TRIM5: variants seen among roughly 807,000 people sequenced by gnomAD.
The protein encoded by TRIM5 is tripartite motif-containing protein 5.
In TRIM5, 31 loss-of-function variants were observed where a neutral mutation model predicts 35.6. The observed-to-expected ratio is 0.87, with a 90% CI of 0.65 to 1.18. TRIM5 has a LOEUF of 1.18. Ranked by LOEUF, TRIM5 falls within the 50% of genes most tolerant of loss-of-function variation. TRIM5 has a pLI of 0.00. For synonymous variants in TRIM5, 243 were observed against 215.6 expected, an observed-to-expected ratio of 1.13 and a Z score of -1.11; for missense variants, 609 against 591.6, an observed-to-expected ratio of 1.03 and a Z score of -0.31.
chr11:5,647,824 A>G, the TRIM5 span, among the ~76,000 whole-genome samples: 1 of 152,054 alleles, frequency 6.6e-6, no homozygotes, highest in Non-Finnish European at 1.5e-5. Context: ...CCCGGCTGAG[A>G]CACCTATTAA....
At chr11:5,593,725 A>G in the TRIM5 span, among the ~76,000 whole-genome samples, 1 of 152,356 alleles carries the variant, frequency 6.6e-6, no homozygotes, top group South Asian at 2.1e-4. Context: ...TATTGTAATA[A>G]TAACAGGCTG....
the TRIM5 span, chr11:5,642,520 G>A: frequency 6.2e-7 from 1 of 1,612,822 alleles, no homozygotes; most frequent in East Asian, 2.2e-5. Flanking sequence ...AGGAGAAGCA[G>A]ACAAAGACTG....
the TRIM5 span, chr11:5,596,543 T>TCCCCCTTCCCCCTTCCCTTC: frequency 4.1e-5 from 1 of 24,650 alleles, no homozygotes; most frequent in Non-Finnish European, 7.4e-5. Flanking sequence ...CCTTCCCCCT[T>TCCCCCTTCCCCCTTCCCTTC]CCCCCTTCCC....
the TRIM5 span, among the ~76,000 whole-genome samples, chr11:5,637,074 G>C: frequency 6.6e-6 from 1 of 152,344 alleles, no homozygotes; most frequent in Non-Finnish European, 1.5e-5. Flanking sequence ...TCAGGAGGCT[G>C]AGGCAGGAGA....
the TRIM5 span, among the ~76,000 whole-genome samples, chr11:5,622,330 G>A: frequency 1.3e-5 from 2 of 151,816 alleles, no homozygotes; most frequent in South Asian, 2.1e-4. Context: ...CTGTAGTCCC[G>A]GCTACTTGGG....
Position 5,680,022 on chromosome 11 carries a change from C to T in TRIM5, c.156G>A (p.Glu52=), listed in dbSNP as rs1472572148. 5 of 1,614,026 alleles carry T rather than the reference C, an allele frequency of 3.1e-6. No homozygotes were observed. The East Asian group carries it at 8.9e-5, about 29-fold the overall frequency. ...NHKKSMLDKG[E]SSCPVCRISY... is the part of the protein sequence containing the mutation. Reference sequence around the variant, plus strand: ...TGATCCGGCACACAGGGCAGCTACTCTCTCCTTTGTCTAGCATGGACTTCT... The same window carrying T: ...TGATCCGGCACACAGGGCAGCTACTTTCTCCTTTGTCTAGCATGGACTTCT... Residue 52 remains glutamate, a synonymous_variant, in exon 2 of 8, where the codon GAG becomes GAA. Coordinates refer to ENST00000380034, the MANE Select transcript of TRIM5 (RefSeq NM_033034.3).
At chr11:5,642,877 C>T in the TRIM5 span, 1 of 1,613,074 alleles carries the variant, frequency 6.2e-7, no homozygotes, top group East Asian at 2.2e-5. Flanking sequence ...TAACTGTTTT[C>T]CAATTACCTT....
intron 4 of TRIM5, among the ~76,000 whole-genome samples, chr11:5,670,141 C>T (rs1053267065): frequency 2.0e-5 from 3 of 147,432 alleles, no homozygotes; most frequent in Non-Finnish European, 4.5e-5. Context: ...GCTTGCATGG[C>T]ATTTGTCTGT....
the TRIM5 span, among the ~76,000 whole-genome samples, chr11:5,592,999 G>C: frequency 6.6e-6 from 1 of 150,972 alleles, no homozygotes; most frequent in Non-Finnish European, 1.5e-5. Context: ...ATGGAAAAAA[G>C]AGAGGGAGGA....
chr11:5,603,552 G>A, the TRIM5 span: 27 of 1,613,988 alleles, frequency 1.7e-5, no homozygotes, highest in South Asian at 2.9e-4. Flanking sequence ...TAGTGAGGCG[G>A]CTCAGAGAGG....
intron 4 of TRIM5, among the ~76,000 whole-genome samples, chr11:5,677,066 C>T (rs1428839035): frequency 6.6e-6 from 1 of 152,034 alleles, no homozygotes; most frequent in Non-Finnish European, 1.5e-5. Flanking sequence ...GTCTAAAACA[C>T]CAAAAGCAAT....
intron 4 of TRIM5, among the ~76,000 whole-genome samples, chr11:5,669,640 T>C (rs900826299): frequency 6.6e-6 from 1 of 152,212 alleles, no homozygotes; most frequent in African/African-American, 2.4e-5. Context: ...TGAAAAAAAC[T>C]TTGGAAAGGG....
the TRIM5 span, among the ~76,000 whole-genome samples, chr11:5,623,105 C>CT: frequency 0.096 from 10,231 of 106,816 alleles, 650 homozygotes; most frequent in South Asian, 0.23. Context: ...CTGTCTGGAG[C>CT]TTTTTTTTTT....
At position 5,664,527 on chromosome 11, in the gene TRIM5, GA is replaced by G; in HGVS notation, c.*281del. 8.9e-7 allele frequency: 1 copy of G among 1,118,498 alleles called. No homozygotes were observed. Among genetic ancestry groups the G allele is most frequent in the Non-Finnish European group, 1.1e-6 (1 of 914,044 alleles). 69.3% of individuals were successfully genotyped at this position (1,118,498 alleles called of 1,614,324 possible). The stretch of plus-strand genomic sequence containing the variant: ...GCAATTGGGTGATAAATATCTGGCA[GA>G]AGTAATACCTAAATAGCGGTCTCAT... On this transcript the variant is annotated 3_prime_UTR_variant, in exon 8 of 8. Transcript: ENST00000380034.
the TRIM5 span, chr11:5,611,475 A>T: frequency 1.2e-6 from 1 of 837,534 alleles, no homozygotes; most frequent in Non-Finnish European, 1.9e-6. Context: ...CTTTTTTGAG[A>T]TGGAATCTCG....
chr11:5,618,687 A>C, the TRIM5 span, among the ~76,000 whole-genome samples: 1 of 152,254 alleles, frequency 6.6e-6, no homozygotes, highest in Admixed American at 6.5e-5. Context: ...TTAATCTACT[A>C]TAAAACAATG....
the TRIM5 span, among the ~76,000 whole-genome samples, chr11:5,624,433 C>T: frequency 5.3e-5 from 8 of 152,134 alleles, no homozygotes; most frequent in Non-Finnish European, 8.8e-5. Context: ...CATCTCCTAG[C>T]GGGTGACATG....
In TRIM5 at chr11:5,665,211, GTA is replaced by G. The variant is rs756045662; in HGVS notation, c.1078_1079del (p.Tyr360LeufsTer22). 3.1e-6 allele frequency: 5 copies of G among 1,614,006 alleles called. No homozygotes were observed. In the Admixed American group the frequency reaches 6.7e-5, roughly 22 times the overall value. On this transcript the variant is annotated frameshift_variant, in exon 8 of 8. Transcript: ENST00000380034. LOFTEE classifies it low-confidence loss of function (END_TRUNC). ...TTTTCTTGGACACGTCTACCTCCCA[GTA>G]ATGTTTCCCTGATGTGATACTTTGA... Reference protein sequence around the residue: ...GSQSITSGKHYWEVDVSKKTA... With the variant: ...GSQSITSGKHXWEVDVSKKTA...
chr11:5,641,370 T>A, the TRIM5 span: 32 of 1,407,476 alleles, frequency 2.3e-5, no homozygotes, highest in Non-Finnish European at 3.0e-5. Flanking sequence ...ATTAATGGAC[T>A]CGATCCTATG....
Sources: gnomAD v4.1 joint callset for allele counts (sites outside exome capture counted in the v4.1 genomes callset) on GRCh38, gnomAD v4.1.1 for gene constraint, MANE v1.5 for transcripts, NCBI Gene and HGNC (gene_info 2026-07-23, HGNC 2026-07-21) for gene names.